Variants in ATF1 observed in about 807,000 individuals in gnomAD.
The protein encoded by ATF1 is cyclic AMP-dependent transcription factor ATF-1.
In ATF1, 16 loss-of-function variants were observed where a neutral mutation model predicts 34.7. The ratio of observed to expected loss-of-function variants is 0.46; its 90% CI spans 0.31 to 0.70. The LOEUF (loss-of-function observed/expected upper bound fraction) is 0.70, where lower values mean the gene tolerates loss of function less well. ATF1 is among the 30% of genes least tolerant of loss of function. The pLI, the probability that ATF1 is intolerant of heterozygous loss-of-function variation, is 0.05. For missense variants in ATF1, 255 were observed against 321.6 expected, an observed-to-expected ratio of 0.79 and a Z score of 1.58; for synonymous variants, 105 against 113.1, an observed-to-expected ratio of 0.93 and a Z score of 0.46.
At chr12:50,783,223 A>G (rs1185983417) in intron 2 of ATF1, among the ~76,000 whole-genome samples, 1 of 152,200 alleles carries the variant, frequency 6.6e-6, no homozygotes, top group Non-Finnish European at 1.5e-5. Flanking sequence ...GTCCTCAATA[A>G]GTTTGAGAAT....
chr12:50,781,104 A>G (rs1371694615), intron 2 of ATF1, among the ~76,000 whole-genome samples: 2 of 152,242 alleles, frequency 1.3e-5, no homozygotes, highest in South Asian at 2.1e-4. Context: ...GTATATAGTC[A>G]TCTCTCAGTA....
rs757208044 is a variant in ATF1, at chr12:50,814,101, C to T, written c.420C>T (p.Gly140=). 1.4e-5 allele frequency: 22 copies of T among 1,614,152 alleles called. No homozygotes were observed. The highest frequency in any genetic ancestry group is 1.7e-5 in the Admixed American group (1 of 60,018). ...AGACATTAACCATGACAAATTCAGG[C>T]AGTACTCAGCAAGGTACAACTATTC... ...GLQTLTMTNS[G]STQQGTTILQ... is the part of the protein sequence containing the mutation. Residue 140 remains glycine (G), a synonymous_variant, in exon 5 of 7, where the codon GGC becomes GGT. Coordinates refer to ENST00000262053, the MANE Select transcript of ATF1 (RefSeq NM_005171.5).
chr12:50,802,447 C>A (rs1049196290), intron 3 of ATF1, among the ~76,000 whole-genome samples: 2 of 152,168 alleles, frequency 1.3e-5, no homozygotes, highest in African/African-American at 4.8e-5. Flanking sequence ...ATCGCTTGAA[C>A]CTGGGAGGCA....
rs771546607 is a variant in ATF1 at position 50,814,170 on chromosome 12, C to T, written c.489C>T (p.Pro163=). Residue 163 remains proline (P), a synonymous_variant, in exon 5 of 7, where the codon CCC becomes CCT. Coordinates refer to ENST00000262053, the MANE Select transcript of ATF1 (RefSeq NM_005171.5). ...QTSDGQQILV[P]SNQVVVQTAS... Reference sequence around the variant, plus strand: ...CTGATGGACAGCAGATACTTGTGCCCAGCAATCAGGTGGTCGTACAAAGTA... The same window carrying T: ...CTGATGGACAGCAGATACTTGTGCCTAGCAATCAGGTGGTCGTACAAAGTA... The T allele has an allele frequency of 1.8e-5, 29 of 1,613,842 alleles. No homozygotes were observed. Among genetic ancestry groups the T allele is most frequent in the South Asian group, 3.3e-5 (3 of 91,040 alleles).
intron 6 of ATF1, among the ~76,000 whole-genome samples, chr12:50,814,915 A>G (rs1941812071): frequency 6.7e-6 from 1 of 149,820 alleles, no homozygotes; most frequent in Non-Finnish European, 1.5e-5. Flanking sequence ...AGGTCAGGAG[A>G]TCGAGACCAT....
intron 1 of ATF1, among the ~76,000 whole-genome samples, chr12:50,773,835 C>T (rs11609941): frequency 0.25 from 38,568 of 151,728 alleles, 5,477 homozygotes; most frequent in Non-Finnish European, 0.32. Flanking sequence ...AGTGATCTGC[C>T]CGCCTCGATC....
chr12:50,766,531 G>C (rs994127566), intron 1 of ATF1, among the ~76,000 whole-genome samples: 30 of 150,654 alleles, frequency 2.0e-4, no homozygotes, highest in African/African-American at 6.8e-4. Context: ...TTTAATTTAA[G>C]TTTTAGGGTA....
At chr12:50,817,798 G>A (rs764059928) in intron 6 of ATF1, among the ~76,000 whole-genome samples, 2 of 152,130 alleles carry the variant, frequency 1.3e-5, no homozygotes, top group South Asian at 2.1e-4. Context: ...GAAGGAAACC[G>A]GTCTGTGAAA....
chr12:50,772,407 A>C (rs1437899920), intron 1 of ATF1, among the ~76,000 whole-genome samples: 1 of 149,568 alleles, frequency 6.7e-6, no homozygotes, highest in East Asian at 2.0e-4. Context: ...GCTCACCGCA[A>C]CCTACGCCTC....
chr12:50,770,474 A>G (rs1224439842), intron 1 of ATF1, among the ~76,000 whole-genome samples: 2 of 152,182 alleles, frequency 1.3e-5, no homozygotes, highest in Non-Finnish European at 2.9e-5. Flanking sequence ...TACCCAAGTT[A>G]TAGGTATTTA....
intron 1 of ATF1, among the ~76,000 whole-genome samples, chr12:50,765,042 C>T (rs2139629455): frequency 6.6e-6 from 1 of 152,316 alleles, no homozygotes; most frequent in East Asian, 1.9e-4. Context: ...CGACGCCGTG[C>T]AGCTGGCGGC....
chr12:50,794,828 A>C (rs1302787122), intron 2 of ATF1, among the ~76,000 whole-genome samples: 6 of 152,082 alleles, frequency 3.9e-5, no homozygotes, highest in Non-Finnish European at 8.8e-5. Context: ...CTCAGGCTGG[A>C]AGATTGCTTG....
chr12:50,764,438 G>A (rs1464472497), intron 1 of ATF1, 131 bp downstream of exon 1: 1 of 151,556 alleles, frequency 6.6e-6, no homozygotes, highest in Non-Finnish European at 1.5e-5. Context: ...CGGTGGGGGA[G>A]GGGCGCAGCG....
At chr12:50,811,542 G>C (rs1285193706) in intron 4 of ATF1, among the ~76,000 whole-genome samples, 1 of 150,522 alleles carries the variant, frequency 6.6e-6, no homozygotes, top group Non-Finnish European at 1.5e-5. Flanking sequence ...TCAGTACGTT[G>C]AGAGGCTGAG....
Position 50,819,732 on chromosome 12 carries a change from G to C in ATF1, c.769G>C (p.Glu257Gln). The C allele has an allele frequency of 6.3e-7, 1 of 1,597,050 alleles. No individual in the cohort carries two copies. The highest frequency in any genetic ancestry group is 8.6e-7 in the Non-Finnish European group (1 of 1,168,618). The part of the protein sequence containing the change: ...VLENQNKTLI[E>Q]ELKTLKDLYS... ...GGAAAATCAAAATAAAACTCTAATA[G>C]AAGAGTTAAAAACTTTGAAGGATCT... The change falls in exon 7 of 7, where the codon GAA (glutamate) becomes CAA (glutamine). Residue 257 changes from glutamate (E) to glutamine (Q), a missense_variant. Physicochemically the swap from Glu to Gln is conservative, Grantham distance 29. Around this residue, in one of 2 missense-constraint regions of ATF1, gnomAD observed 34 missense variants for 70.8 expected, o/e 0.48. Coordinates refer to ENST00000262053, the MANE Select transcript of ATF1 (RefSeq NM_005171.5).
At chr12:50,812,342 T>C (rs1941754497) in intron 4 of ATF1, among the ~76,000 whole-genome samples, 2 of 151,914 alleles carry the variant, frequency 1.3e-5, no homozygotes, top group South Asian at 4.1e-4. Context: ...CACAGGAAAA[T>C]AATGGGAAGG....
intron 3 of ATF1, among the ~76,000 whole-genome samples, chr12:50,797,018 G>A (rs1392199297): frequency 6.6e-6 from 1 of 152,168 alleles, no homozygotes; most frequent in Non-Finnish European, 1.5e-5. Flanking sequence ...TATCTGATAA[G>A]GGGTTAATAC....
intron 2 of ATF1, among the ~76,000 whole-genome samples, chr12:50,784,401 CAG>C (rs1941139681): frequency 6.6e-6 from 1 of 152,164 alleles, no homozygotes; most frequent in East Asian, 1.9e-4. Flanking sequence ...ACAAGGTAGA[CAG>C]AGACATTTGT....
intron 1 of ATF1, among the ~76,000 whole-genome samples, chr12:50,779,153 A>C (rs560336426): frequency 4.6e-5 from 7 of 152,184 alleles, no homozygotes; most frequent in Admixed American, 3.9e-4. Context: ...TTATTTATCA[A>C]TTCATCCACT....
Sources: gnomAD v4.1 joint callset for allele counts (sites outside exome capture counted in the v4.1 genomes callset) on GRCh38, gnomAD v4.1.1 for gene constraint, gnomAD v4.1.1 regional missense constraint, MANE v1.5 for transcripts, NCBI Gene and HGNC (gene_info 2026-07-23, HGNC 2026-07-21) for gene names.